The following CHD6 variants were observed in gnomAD, a reference collection of about 807,000 sequenced individuals.
CHD6 encodes the protein ATP-dependent chromatin remodeler CHD6.
CHD6 carries 50 observed loss-of-function variants against 276.9 expected under a neutral mutation model. The ratio of observed to expected loss-of-function variants is 0.18; its 90% confidence interval spans 0.14 to 0.23. The LOEUF (loss-of-function observed/expected upper bound fraction) is 0.23. Ranked by LOEUF, CHD6 falls within the 10% of genes least tolerant of loss-of-function variation. The pLI, the probability that CHD6 is intolerant of heterozygous loss-of-function variation, is 1.00. For missense variants in CHD6, 2,564 were observed against 3,365.8 expected (o/e 0.76, Z 5.89); for synonymous variants, 1,173 against 1,229.3 (o/e 0.95, Z 0.96).
chr20:41,452,658 C>G lies in CHD6; in HGVS notation c.3323+82G>C. On this transcript the variant is annotated intron_variant, in intron 21 of 36. Transcript: ENST00000373233. The surrounding 1 kb of genome is among the most constrained non-coding windows in gnomAD (Gnocchi z 4.2). ...ATAATTCCAAAGGTGACTGGAGAGA[C>G]ATCCTAGACAAATCTCAGGGACTGA... 1 of 1,240,342 alleles carries G rather than the reference C, an allele frequency of 8.1e-7. No individual in the cohort carries two copies. The highest frequency in any genetic ancestry group is 1.2e-6 in the Non-Finnish European group (1 of 868,724). 76.8% of individuals were successfully genotyped at this position (1,240,342 alleles called of 1,614,324 possible). A position where few individuals can be genotyped will look rare whatever the true frequency, so the allele number is the denominator to read the frequency against.
chr20:41,417,048 A>C (rs180856138), intron 32 of CHD6, 150 bp downstream of exon 32: 2 of 770,660 alleles, frequency 2.6e-6, no homozygotes, highest in East Asian at 5.3e-5. Context: ...ATGTATCTTT[A>C]ATGTTCAAAT....
intron 1 of CHD6, among the ~76,000 whole-genome samples, chr20:41,582,684 G>T (rs1160370218): frequency 6.6e-6 from 1 of 152,190 alleles, no homozygotes; most frequent in East Asian, 1.9e-4. Context: ...CCAAGATGTT[G>T]TAAGTATTGG....
chr20:41,441,746 A>G (rs1475066262), intron 25 of CHD6, among the ~76,000 whole-genome samples: 5 of 152,226 alleles, frequency 3.3e-5, no homozygotes, highest in African/African-American at 1.2e-4. Flanking sequence ...TCCCCTAGAA[A>G]ACCCTAACAA....
chr20:41,588,518 T>C (rs1366751397), intron 1 of CHD6, among the ~76,000 whole-genome samples: 1 of 152,180 alleles, frequency 6.6e-6, no homozygotes, highest in Non-Finnish European at 1.5e-5. Flanking sequence ...GTAAGTCATA[T>C]ACCCATGCCC....
chr20:41,445,551 T>C (rs562216846), intron 25 of CHD6, 114 bp downstream of exon 25: 1 of 649,290 alleles, frequency 1.5e-6, no homozygotes, highest in Non-Finnish European at 2.8e-6. Flanking sequence ...AAGATGAATG[T>C]GTAACAGAAT....
chr20:41,489,844 C>A lies in CHD6; in HGVS notation c.1614G>T (p.Val538=), dbSNP rs2043506978. 6.2e-7 allele frequency: 1 copy of A among 1,613,828 alleles called. No individual in the cohort carries two copies. The highest frequency in any genetic ancestry group is 1.7e-5 in the Admixed American group (1 of 59,994). ...GCCTGCTGATCTGGCTGCCGTGGTA[C>A]ACAATGGCATTCATCTCTGTCCATG... The part of the protein sequence containing the change: ...FRTWTEMNAI[V]YHGSQISRQM... The change falls in exon 12 of 37, where the codon GTG becomes GTT. Residue 538 remains valine (V), a synonymous_variant. Coordinates refer to ENST00000373233, the MANE Select transcript of CHD6 (RefSeq NM_032221.5).
At chr20:41,491,674 T>TAC (rs771104639) in intron 11 of CHD6, 24 bp downstream of exon 11, 3 of 1,613,330 alleles carry the variant, frequency 1.9e-6, no homozygotes, top group Non-Finnish European at 2.5e-6. Flanking sequence ...GGTACAAACA[T>TAC]CTGGGCTGGT....
chr20:41,410,500 G>A (rs1429632112), intron 36 of CHD6, among the ~76,000 whole-genome samples: 1 of 152,104 alleles, frequency 6.6e-6, no homozygotes, highest in African/African-American at 2.4e-5. Flanking sequence ...AAAGAAAAAG[G>A]GTACAGTGCA....
intron 27 of CHD6, among the ~76,000 whole-genome samples, chr20:41,435,635 G>A (rs568826933): frequency 6.7e-6 from 1 of 149,702 alleles, no homozygotes; most frequent in African/African-American, 2.5e-5. Context: ...AAATGCAGAG[G>A]TATATACAGT....
intron 14 of CHD6, chr20:41,486,322 C>T (rs1473302562): frequency 6.6e-6 from 1 of 152,176 alleles, no homozygotes; most frequent in East Asian, 1.9e-4. Flanking sequence ...GGGCCTTGTC[C>T]TCAAGGAGAT....
At chr20:41,457,836 A>C (rs2048422946) in intron 17 of CHD6, among the ~76,000 whole-genome samples, 1 of 152,194 alleles carries the variant, frequency 6.6e-6, no homozygotes, top group Non-Finnish European at 1.5e-5. Context: ...TCAAACATAG[A>C]TCAAAATATA....
At chr20:41,551,575 A>G (rs2045147763) in intron 1 of CHD6, among the ~76,000 whole-genome samples, 1 of 152,238 alleles carries the variant, frequency 6.6e-6, no homozygotes, top group Non-Finnish European at 1.5e-5. Flanking sequence ...ATGAAGTCAA[A>G]AAGATATTGT....
intron 17 of CHD6, among the ~76,000 whole-genome samples, chr20:41,465,724 C>G (rs6029691): frequency 0.33 from 50,274 of 152,056 alleles, 8,732 homozygotes; most frequent in African/African-American, 0.44. Context: ...GCTGGGTGAA[C>G]TGTACATTGG....
intron 1 of CHD6, among the ~76,000 whole-genome samples, chr20:41,573,067 G>A (rs2045436213): frequency 6.6e-6 from 1 of 151,890 alleles, no homozygotes; most frequent in Non-Finnish European, 1.5e-5. Flanking sequence ...CCGCCACCAC[G>A]CCCAGCTAAT....
At chr20:41,465,860 G>C (rs1374395653) in intron 17 of CHD6, among the ~76,000 whole-genome samples, 1 of 152,194 alleles carries the variant, frequency 6.6e-6, no homozygotes, top group Non-Finnish European at 1.5e-5. Flanking sequence ...GGAAAAACCA[G>C]CTTCTTTCCC....
intron 13 of CHD6, 100 bp downstream of exon 13, chr20:41,488,328 G>A (rs1056095215): frequency 3.2e-5 from 35 of 1,091,826 alleles, no homozygotes; most frequent in East Asian, 7.2e-5. Flanking sequence ...AATGTAAAAC[G>A]ACTAGGCAGA....
chr20:41,551,244 C>G, intron 2 of CHD6, 61 bp downstream of exon 2: 2 of 1,108,620 alleles, frequency 1.8e-6, no homozygotes, highest in Non-Finnish European at 2.7e-6. Context: ...AGTGTCTCCC[C>G]TTGTTGAAAA....
In CHD6 at chr20:41,473,307, C is replaced by T. The variant is rs2043099090; in HGVS notation, c.2664+15G>A. ...CAGGGCAGCTAAGGTAAACAGCAAT[C>T]ATCCTAGTGGTTACCTGCAAGTCAT... On this transcript the variant is annotated intron_variant, in intron 17 of 36. Transcript: ENST00000373233. This position sits in a 1 kb window ranked among gnomAD's most constrained non-coding sequence, Gnocchi z 4.1. The T allele has an allele frequency of 6.2e-7, 1 of 1,611,696 alleles. No individual in the cohort carries two copies. The highest frequency in any genetic ancestry group is 8.5e-7 in the Non-Finnish European group (1 of 1,178,526).
intron 13 of CHD6, among the ~76,000 whole-genome samples, chr20:41,488,111 C>T (rs76555105): frequency 0.027 from 4,178 of 152,238 alleles, 182 homozygotes; most frequent in African/African-American, 0.095. Context: ...GTTAAAAGGG[C>T]ATCATCTTTG....
Sources: allele counts gnomAD v4.1 joint callset (sites outside exome capture counted in the v4.1 genomes callset), GRCh38; gene constraint gnomAD v4.1.1; non-coding constraint Gnocchi (gnomAD v3.1); transcripts MANE v1.5; gene names NCBI Gene and HGNC (gene_info 2026-07-23, HGNC 2026-07-21).